The following DIS3L2 variants were observed in gnomAD, a reference collection of about 807,000 sequenced individuals.
DIS3L2 encodes DIS3 like 3'-5' exoribonuclease 2.
In DIS3L2, 34 loss-of-function variants were observed where a neutral mutation model predicts 97.5. The ratio of observed to expected loss-of-function variants is 0.35; its 90% CI spans 0.27 to 0.46. DIS3L2 has a LOEUF of 0.46. Among genes scored for constraint, DIS3L2 ranks in the 20% least tolerant of loss-of-function variants. DIS3L2 has a pLI of 1.00. For synonymous variants in DIS3L2, 435 were observed against 445.2 expected, an observed-to-expected ratio of 0.98 and a Z score of 0.29; for missense variants, 1,038 against 1,146.0, an observed-to-expected ratio of 0.91 and a Z score of 1.36.
intron 14 of DIS3L2, among the ~76,000 whole-genome samples, chr2:232,315,644 C>G (rs1695251476): frequency 6.6e-6 from 1 of 152,178 alleles, no homozygotes; most frequent in African/African-American, 2.4e-5. Flanking sequence ...CTATCAATGG[C>G]TATAAATCGC....
chr2:232,224,985 A>G (rs941008936), intron 10 of DIS3L2, among the ~76,000 whole-genome samples: 9 of 152,220 alleles, frequency 5.9e-5, no homozygotes, highest in African/African-American at 1.9e-4. Flanking sequence ...AAGATAACCA[A>G]TGGTCAAACA....
At chr2:232,170,084 G>A (rs967145559) in intron 9 of DIS3L2, among the ~76,000 whole-genome samples, 1 of 151,952 alleles carries the variant, frequency 6.6e-6, no homozygotes, top group African/African-American at 2.4e-5. Flanking sequence ...TCTTTAGCAG[G>A]GCATCTGAGG....
chr2:231,994,209 A>G (rs1004054625), intron 1 of DIS3L2, among the ~76,000 whole-genome samples: 29 of 149,954 alleles, frequency 1.9e-4, no homozygotes, highest in Middle Eastern at 3.5e-3. Flanking sequence ...GTAAGGGGCT[A>G]TTTCTGGGAT....
intron 10 of DIS3L2, among the ~76,000 whole-genome samples, chr2:232,215,482 C>G (rs544881735): frequency 5.9e-5 from 9 of 152,320 alleles, no homozygotes; most frequent in Non-Finnish European, 1.2e-4. Flanking sequence ...GTCTTCCTGC[C>G]TGGATTGTCT....
At chr2:232,001,557 CTTTTTTTTT>C (rs57766848) in intron 1 of DIS3L2, among the ~76,000 whole-genome samples, 5 of 61,918 alleles carry the variant, frequency 8.1e-5, no homozygotes, top group South Asian at 1.3e-3. Context: ...TGCCATTTGT[CTTTTTTTTT>C]TTTTTTTTTT....
intron 6 of DIS3L2, chr2:232,111,063 A>T (rs935180935): frequency 2.8e-6 from 1 of 360,202 alleles, no homozygotes; most frequent in Non-Finnish European, 5.7e-6. Flanking sequence ...TAGGAAATTA[A>T]TGATAGATGT....
chr2:232,198,531 A>G (rs1441989767), intron 9 of DIS3L2: 2 of 152,228 alleles, frequency 1.3e-5, no homozygotes, highest in African/African-American at 4.8e-5. Context: ...TTATAGGTAA[A>G]CTACTACCAG....
At chr2:232,320,900 G>A (rs574997556) in intron 14 of DIS3L2, among the ~76,000 whole-genome samples, 1 of 152,328 alleles carries the variant, frequency 6.6e-6, no homozygotes, top group African/African-American at 2.4e-5. Flanking sequence ...GAGAAGGACA[G>A]TCTGGATTCA....
At chr2:232,333,798 C>CCGTATCATTAAAA in intron 16 of DIS3L2, 42 bp from the exon 17 acceptor site, 24 of 1,508,182 alleles carry the variant, frequency 1.6e-5, no homozygotes, top group Admixed American at 8.0e-5. Context: ...CCTGGCTGGG[C>CCGTATCATTAAAA]AGCTCTGGGC....
intron 13 of DIS3L2, among the ~76,000 whole-genome samples, chr2:232,277,794 C>A (rs1478815932): frequency 2.6e-5 from 4 of 152,166 alleles, no homozygotes; most frequent in Admixed American, 6.5e-5. Context: ...ATGGGATAGC[C>A]TACGACCCAC....
At chr2:232,163,884 A>G (rs996917114) in intron 9 of DIS3L2, among the ~76,000 whole-genome samples, 1 of 152,194 alleles carries the variant, frequency 6.6e-6, no homozygotes, top group Admixed American at 6.5e-5. Context: ...AAACAAGAAT[A>G]ATGTTTTATG....
At chr2:232,205,762 A>G (rs2106212442) in intron 9 of DIS3L2, among the ~76,000 whole-genome samples, 1 of 152,290 alleles carries the variant, frequency 6.6e-6, no homozygotes, top group African/African-American at 2.4e-5. Flanking sequence ...GCCAAAGCAA[A>G]AAGGAAAACT....
In DIS3L2 at chr2:231,976,880, G is replaced by A. The variant is rs181373743; in HGVS notation, c.-94+15115G>A. ...CCTCCCGGGTTGATGCCATTCTCCC[G>A]CCTCAGCCTCCCGAGTAGCTGGGAC... On this transcript the variant is annotated intron_variant, in intron 1 of 20. Coordinates refer to ENST00000325385, the MANE Select transcript of DIS3L2 (RefSeq NM_152383.5). Among the ~76,000 whole-genome samples, 817 of 146,010 alleles carry A rather than the reference G, an allele frequency of 5.6e-3. 13 individuals carry two copies. The East Asian group carries it at 0.061, about 11-fold the overall frequency.
intron 10 of DIS3L2, among the ~76,000 whole-genome samples, chr2:232,210,705 C>T (rs1444198018): frequency 2.0e-5 from 3 of 152,194 alleles, no homozygotes; most frequent in African/African-American, 7.2e-5. Flanking sequence ...TCAGATGGTT[C>T]CAGTGTTGGT....
At chr2:232,190,311 G>T (rs1377074579) in intron 9 of DIS3L2, among the ~76,000 whole-genome samples, 1 of 152,162 alleles carries the variant, frequency 6.6e-6, no homozygotes, top group Non-Finnish European at 1.5e-5. Flanking sequence ...TCCAGCCTGG[G>T]CAACAGAGTG....
rs186032239 is a variant in DIS3L2 at position 232,293,698 on chromosome 2, C to G, written c.1660-6342C>G. On this transcript the variant is annotated intron_variant, in intron 13 of 20. Transcript: ENST00000325385. This position sits in a 1 kb window ranked among gnomAD's most constrained non-coding sequence, Gnocchi z 4.6. ...CTCCCGAGCACAGGCCCACCTCTTT[C>G]CATTGCTCTGTTACTGTCCATATTT... is the stretch of plus-strand genomic sequence containing the variant. Among the ~76,000 whole-genome samples, 157 of 152,356 alleles carry G rather than the reference C, an allele frequency of 1.0e-3. No homozygotes were observed. The highest frequency in any genetic ancestry group is 3.5e-3 in the African/African-American group (144 of 41,578).
chr2:231,971,509 G>A (rs1692909488), intron 1 of DIS3L2, among the ~76,000 whole-genome samples: 3 of 151,874 alleles, frequency 2.0e-5, no homozygotes, highest in Admixed American at 6.6e-5. Context: ...GTGCAGTGGC[G>A]CCATCTCGGC....
At chr2:232,077,943 T>TTTTC (rs1218508918) in intron 5 of DIS3L2, among the ~76,000 whole-genome samples, 8 of 148,978 alleles carry the variant, frequency 5.4e-5, no homozygotes, top group African/African-American at 1.2e-4. Flanking sequence ...CTTTCTTTCT[T>TTTTC]TTTCTTTCTT....
chr2:232,140,559 A>T (rs1156436618), intron 8 of DIS3L2, among the ~76,000 whole-genome samples: 1 of 152,218 alleles, frequency 6.6e-6, no homozygotes, highest in African/African-American at 2.4e-5. Context: ...GCATACAACA[A>T]GTATAAAAAC....
Sources: allele counts gnomAD v4.1 joint callset (sites outside exome capture counted in the v4.1 genomes callset), GRCh38; gene constraint gnomAD v4.1.1; non-coding constraint Gnocchi (gnomAD v3.1); transcripts MANE v1.5; gene names NCBI Gene and HGNC (gene_info 2026-07-23, HGNC 2026-07-21).